The following EHBP1 variants were observed in gnomAD, a reference collection of about 807,000 sequenced individuals.
EHBP1 encodes EH domain-binding protein 1.
EHBP1 carries 55 observed loss-of-function variants against 144.0 expected under a neutral mutation model. That is an observed-to-expected ratio of 0.38 (90% CI 0.31 to 0.48). The LOEUF is 0.48. EHBP1 is among the 20% of genes least tolerant of loss of function. The pLI, the probability that EHBP1 is intolerant of heterozygous loss-of-function variation, is 0.98. For missense variants in EHBP1, 1,200 were observed against 1,364.2 expected (o/e 0.88, Z 1.90); for synonymous variants, 469 against 472.7 (o/e 0.99, Z 0.10).
intron 4 of EHBP1, among the ~76,000 whole-genome samples, chr2:62,766,874 T>A (rs1009519996): frequency 6.7e-6 from 1 of 149,702 alleles, no homozygotes; most frequent in East Asian, 2.0e-4. Flanking sequence ...TGTCTTTGAA[T>A]CCATGTAACA....
intron 5 of EHBP1, among the ~76,000 whole-genome samples, chr2:62,788,051 A>G (rs2042933774): frequency 6.6e-6 from 1 of 152,122 alleles, no homozygotes; most frequent in Admixed American, 6.5e-5. Context: ...TTTCTCAGTG[A>G]CAGTTTATTT....
At chr2:62,705,240 C>T (rs1325216005), upstream of EHBP1, among the ~76,000 whole-genome samples, 2 of 151,902 alleles carry the variant, frequency 1.3e-5, no homozygotes, top group Non-Finnish European at 2.9e-5. Context: ...CAGGTCCTGG[C>T]GGAGATGAGA....
At chr2:62,733,718 A>G (rs1456638509) in intron 2 of EHBP1, among the ~76,000 whole-genome samples, 1 of 152,164 alleles carries the variant, frequency 6.6e-6, no homozygotes, top group African/African-American at 2.4e-5. Context: ...GGGCATTTTT[A>G]TCCAGTCTGC....
intron 2 of EHBP1, among the ~76,000 whole-genome samples, chr2:62,731,350 AC>A (rs1007384346): frequency 6.6e-6 from 1 of 152,136 alleles, no homozygotes; most frequent in Non-Finnish European, 1.5e-5. Flanking sequence ...ATCCTATCAC[AC>A]GCAAACAAAT....
intron 21 of EHBP1, among the ~76,000 whole-genome samples, chr2:63,043,532 CAG>C (rs1409136616): frequency 3.9e-5 from 6 of 152,132 alleles, no homozygotes; most frequent in Non-Finnish European, 1.5e-5. Context: ...TTGAATAAAA[CAG>C]TCTAGCTTTT....
At chr2:62,699,723 A>G (rs911066308) in intron 1 of EHBP1, among the ~76,000 whole-genome samples, 6 of 152,236 alleles carry the variant, frequency 3.9e-5, no homozygotes, top group Non-Finnish European at 1.5e-5. Context: ...GAATGTCCAC[A>G]CTTTGAATAT....
chr2:62,979,454 T>C, intron 15 of EHBP1, 119 bp downstream of exon 15: 1 of 1,065,058 alleles, frequency 9.4e-7, no homozygotes, highest in Non-Finnish European at 1.3e-6. Context: ...TCTAACCTAT[T>C]GATATGTTGC....
chr2:62,842,442 T>C (rs528867325), intron 7 of EHBP1, among the ~76,000 whole-genome samples: 2 of 152,316 alleles, frequency 1.3e-5, no homozygotes, highest in South Asian at 4.1e-4. Flanking sequence ...CCTCATGAAC[T>C]AATGATCTCT....
At chr2:62,696,623 C>G (rs926300917) in intron 1 of EHBP1, among the ~76,000 whole-genome samples, 2 of 146,784 alleles carry the variant, frequency 1.4e-5, no homozygotes, top group Non-Finnish European at 3.0e-5. Context: ...ATGCCATTCT[C>G]CTGCCTCAGC....
At chr2:62,987,017 A>G (rs1455503381) in intron 15 of EHBP1, among the ~76,000 whole-genome samples, 1 of 152,164 alleles carries the variant, frequency 6.6e-6, no homozygotes, top group Non-Finnish European at 1.5e-5. Flanking sequence ...TAGTAGGGGT[A>G]TTCTTCAAAT....
intron 2 of EHBP1, among the ~76,000 whole-genome samples, chr2:62,733,175 G>C (rs908450081): frequency 6.6e-6 from 1 of 152,184 alleles, no homozygotes; most frequent in Non-Finnish European, 1.5e-5. Context: ...TGGAAATGAT[G>C]TACTGGGTAT....
chr2:62,724,413 T>A (rs895895881), intron 2 of EHBP1, among the ~76,000 whole-genome samples: 4 of 152,332 alleles, frequency 2.6e-5, no homozygotes, highest in African/African-American at 9.6e-5. Context: ...GATTGGGTTT[T>A]AGTGTACTGC....
chr2:62,793,667 A>G (rs2043331009), intron 5 of EHBP1, among the ~76,000 whole-genome samples: 1 of 152,132 alleles, frequency 6.6e-6, no homozygotes, highest in African/African-American at 2.4e-5. Flanking sequence ...CAGGATATTA[A>G]AAAGAATAAG....
intron 10 of EHBP1, among the ~76,000 whole-genome samples, chr2:62,887,998 T>C (rs978829575): frequency 3.3e-5 from 5 of 152,188 alleles, no homozygotes; most frequent in Non-Finnish European, 7.4e-5. Context: ...TTCCCTCCTA[T>C]AGCACATATG....
intron 2 of EHBP1, among the ~76,000 whole-genome samples, chr2:62,714,071 A>G (rs886454750): frequency 6.6e-6 from 1 of 152,150 alleles, no homozygotes; most frequent in Non-Finnish European, 1.5e-5. Flanking sequence ...CCTGATCCAA[A>G]CTGGCTCTTT....
At chr2:62,830,246 C>A (rs927300191) in intron 6 of EHBP1, among the ~76,000 whole-genome samples, 2 of 146,628 alleles carry the variant, frequency 1.4e-5, no homozygotes, top group African/African-American at 5.1e-5. Flanking sequence ...TGGAATACTA[C>A]TATATATATA....
chr2:62,811,261 G>T (rs1469982011), intron 5 of EHBP1, among the ~76,000 whole-genome samples: 2 of 152,144 alleles, frequency 1.3e-5, no homozygotes, highest in Non-Finnish European at 2.9e-5. Flanking sequence ...TTGGTTGAGA[G>T]AGCTTCCTGT....
At chr2:62,714,639 A>T (rs1038189988) in intron 2 of EHBP1, among the ~76,000 whole-genome samples, 1 of 152,220 alleles carries the variant, frequency 6.6e-6, no homozygotes, top group African/African-American at 2.4e-5. Flanking sequence ...CTGACAGAGT[A>T]AGCACCCAGA....
chr2:62,867,585 TCAATGGGAAAAAATA>T (rs2050142605), intron 9 of EHBP1, among the ~76,000 whole-genome samples: 1 of 151,954 alleles, frequency 6.6e-6, no homozygotes. Context: ...AAGAGTGAAA[TCAATGGGAAAAAATA>T]CAATGGCCAT....
Sources: gnomAD v4.1 joint callset for allele counts (sites outside exome capture counted in the v4.1 genomes callset) on GRCh38, gnomAD v4.1.1 for gene constraint, MANE v1.5 for transcripts, NCBI Gene and HGNC (gene_info 2026-07-23, HGNC 2026-07-21) for gene names.